Variants in SLC2A11 observed in about 807,000 individuals in gnomAD.
SLC2A11 encodes the protein solute carrier family 2, facilitated glucose transporter member 11.
In SLC2A11, 43 loss-of-function variants were observed where a neutral mutation model predicts 52.1. The ratio of observed to expected loss-of-function variants is 0.82; its 90% CI spans 0.65 to 1.06. The LOEUF is 1.06. Among genes scored for constraint, SLC2A11 ranks in the 50% least tolerant of loss-of-function variants. The pLI, the probability that SLC2A11 is intolerant of heterozygous loss-of-function variation, is 0.00. For synonymous variants in SLC2A11, 261 were observed against 277.6 expected (o/e 0.94, Z 0.59); for missense variants, 582 against 654.2 (o/e 0.89, Z 1.20).
chr22:23,857,951 C>T lies in SLC2A11; in HGVS notation c.-49C>T. The T allele has an allele frequency of 1.3e-6, 2 of 1,588,726 alleles. No individual in the cohort carries two copies. The highest frequency in any genetic ancestry group is 1.7e-5 in the Admixed American group (1 of 57,392). On this transcript the variant is annotated 5_prime_UTR_variant, in exon 1 of 12. Transcript: ENST00000316185. ...CCGGCTCACCGCTTGCTAATGGCAG[C>T]CGGGGTCTCCCTGGGACAGCAAGAC... is the stretch of plus-strand genomic sequence containing the variant.
At chr22:23,857,482 A>G (rs775047142), upstream of SLC2A11, 9 of 1,613,848 alleles carry the variant, frequency 5.6e-6, no homozygotes, top group East Asian at 6.7e-5. Context: ...GTGCTGCGGC[A>G]GAGGCGGATG....
chr22:23,877,291 A>G (rs2032647611), intron 5 of SLC2A11, 120 bp downstream of exon 5: 2 of 1,519,126 alleles, frequency 1.3e-6, no homozygotes, highest in Admixed American at 1.8e-5. Context: ...GCATGAAGGC[A>G]TCGAATCCTC....
intron 3 of SLC2A11, among the ~76,000 whole-genome samples, chr22:23,874,649 T>C (rs2032557425): frequency 6.6e-6 from 1 of 151,954 alleles, no homozygotes; most frequent in South Asian, 2.1e-4. Flanking sequence ...ACAGGGTTTC[T>C]CCATGTTGGT....
chr22:23,862,099 C>T lies in SLC2A11; in HGVS notation c.31-5C>T, dbSNP rs780953061. The T allele has an allele frequency of 5.8e-5, 94 of 1,613,934 alleles. No homozygotes were observed. The highest frequency in any genetic ancestry group is 7.1e-5 in the Non-Finnish European group (84 of 1,179,904). On this transcript the variant is annotated splice_region_variant and splice_polypyrimidine_tract_variant and intron_variant, in intron 1 of 11. Transcript: ENST00000316185. ...GTCACTCTGTGTTCTCTCCTCTCTC[C>T]TCAGATTCAGGGCAGGATCCTGCTC... is the stretch of plus-strand genomic sequence containing the variant.
At chr22:23,872,902 C>G (rs990250693) in intron 3 of SLC2A11, 1 of 152,248 alleles carries the variant, frequency 6.6e-6, no homozygotes, top group East Asian at 1.9e-4. Flanking sequence ...GCACTTGCTG[C>G]TTCCTCTTCT....
At chr22:23,882,018 A>G in intron 6 of SLC2A11, 1 of 231,032 alleles carries the variant, frequency 4.3e-6, no homozygotes. Flanking sequence ...AGAGAGAGAG[A>G]AACACACACA....
At chr22:23,877,921 TC>T in intron 6 of SLC2A11, 52 bp downstream of exon 6, 1 of 1,549,728 alleles carries the variant, frequency 6.5e-7, no homozygotes, top group Non-Finnish European at 8.7e-7. Context: ...GGGATGCATC[TC>T]CCCAGAGTAT....
intron 6 of SLC2A11, among the ~76,000 whole-genome samples, chr22:23,878,737 TCTC>T (rs1235263417): frequency 6.6e-6 from 1 of 152,116 alleles, no homozygotes; most frequent in Non-Finnish European, 1.5e-5. Flanking sequence ...TACTTATGTC[TCTC>T]CTCTGTGCAA....
In SLC2A11 at chr22:23,884,960, A is replaced by C; in HGVS notation, c.*111A>C. 1.1e-6 allele frequency: 1 copy of C among 878,536 alleles called. No homozygotes were observed. Among genetic ancestry groups the C allele is most frequent in the Non-Finnish European group, 1.7e-6 (1 of 573,156 alleles). 54.4% of individuals were successfully genotyped at this position (878,536 alleles called of 1,614,324 possible). A position where few individuals can be genotyped will look rare whatever the true frequency, so the allele number is the denominator to read the frequency against. Reference sequence around the variant, plus strand: ...TTCCTCATTTAAGGAGTGTTTATTGAGCACCCTTTGTGTGCAGACATGGCT... The same window carrying C: ...TTCCTCATTTAAGGAGTGTTTATTGCGCACCCTTTGTGTGCAGACATGGCT... On this transcript the variant is annotated 3_prime_UTR_variant, in exon 12 of 12. Coordinates refer to ENST00000316185, the MANE Select transcript of SLC2A11 (RefSeq NM_001024939.4). The surrounding 1 kb of genome is among the most constrained non-coding windows in gnomAD (Gnocchi z 4.3).
intron 3 of SLC2A11, chr22:23,869,463 G>A (rs1057458514): frequency 1.4e-4 from 22 of 153,038 alleles, no homozygotes; most frequent in South Asian, 6.2e-4. Context: ...ACTCCAGCCT[G>A]GGCAACAGAA....
At chr22:23,878,428 T>G (rs1284747675) in intron 6 of SLC2A11, among the ~76,000 whole-genome samples, 1 of 152,144 alleles carries the variant, frequency 6.6e-6, no homozygotes, top group East Asian at 1.9e-4. Flanking sequence ...GCCATTCAGC[T>G]TTGCTGCACT....
chr22:23,857,480 G>A, upstream of SLC2A11: 1 of 1,613,922 alleles, frequency 6.2e-7, no homozygotes, highest in South Asian at 1.1e-5. Flanking sequence ...CAGTGCTGCG[G>A]CAGAGGCGGA....
At chr22:23,862,340 G>A in intron 2 of SLC2A11, 138 bp downstream of exon 2, 1 of 699,380 alleles carries the variant, frequency 1.4e-6, no homozygotes, top group East Asian at 2.6e-5. Flanking sequence ...TTGGCCCACA[G>A]GTTCCTGCAG....
intron 8 of SLC2A11, 169 bp downstream of exon 8, chr22:23,883,038 A>G (rs751817221): frequency 1.4e-6 from 1 of 710,832 alleles, no homozygotes; most frequent in Non-Finnish European, 2.5e-6. Context: ...AGGTGGGTGG[A>G]TCACAAGGTC....
chr22:23,857,279 G>T, upstream of SLC2A11: 1 of 795,426 alleles, frequency 1.3e-6, no homozygotes, highest in Non-Finnish European at 2.1e-6. Flanking sequence ...TGTAGCAAAG[G>T]AGGGGGACGA....
chr22:23,860,765 C>T (rs948376123), intron 1 of SLC2A11, among the ~76,000 whole-genome samples: 2 of 149,478 alleles, frequency 1.3e-5, no homozygotes, highest in Non-Finnish European at 3.0e-5. Flanking sequence ...CTCACTCAAC[C>T]TCCACCTCCT....
At chr22:23,866,375 G>T in intron 2 of SLC2A11, 1 of 165,556 alleles carries the variant, frequency 6.0e-6, no homozygotes. Context: ...GGGGAGAGCT[G>T]GCCCAGCACC....
intron 3 of SLC2A11, among the ~76,000 whole-genome samples, chr22:23,873,437 C>T (rs181446895): frequency 6.6e-6 from 1 of 151,950 alleles, no homozygotes; most frequent in East Asian, 1.9e-4. Flanking sequence ...AGCCTCCCCA[C>T]TACCTGGGAT....
chr22:23,857,569 G>T, upstream of SLC2A11: 1 of 1,510,870 alleles, frequency 6.6e-7, no homozygotes. Context: ...CCGCGGCGGT[G>T]ACCCCAAACC....
Sources: allele counts gnomAD v4.1 joint callset (sites outside exome capture counted in the v4.1 genomes callset), GRCh38; gene constraint gnomAD v4.1.1; non-coding constraint Gnocchi (gnomAD v3.1); transcripts MANE v1.5; gene names NCBI Gene and HGNC (gene_info 2026-07-23, HGNC 2026-07-21).